The following ATP8B1 variants were observed in gnomAD, a reference collection of about 807,000 sequenced individuals.
ATP8B1 encodes the protein ATPase phospholipid transporting 8B1.
A neutral mutation model predicts 149.9 loss-of-function variants in ATP8B1; 80 were observed. That is an observed-to-expected ratio of 0.53 (90% CI 0.45 to 0.64). The LOEUF (loss-of-function observed/expected upper bound fraction) is 0.64. Among genes scored for constraint, ATP8B1 ranks in the 30% least tolerant of loss-of-function variants. The probability of loss-of-function intolerance (pLI) is 0.00; values close to 1 mark genes in which losing one functional copy is unlikely to be tolerated. For missense variants in ATP8B1, 1,247 were observed against 1,552.6 expected, an observed-to-expected ratio of 0.80 and a Z score of 3.31; for synonymous variants, 536 against 562.8, an observed-to-expected ratio of 0.95 and a Z score of 0.67.
intron 1 of ATP8B1, among the ~76,000 whole-genome samples, chr18:57,750,989 G>A (rs1057017086): frequency 4.6e-5 from 7 of 152,002 alleles, no homozygotes; most frequent in African/African-American, 1.2e-4. Flanking sequence ...GCGTGGTGGC[G>A]CACACCTGCT....
At chr18:57,749,802 C>T (rs1351588278) in intron 1 of ATP8B1, among the ~76,000 whole-genome samples, 1 of 152,180 alleles carries the variant, frequency 6.6e-6, no homozygotes, top group Non-Finnish European at 1.5e-5. Context: ...TAAATCATGC[C>T]AGGGATAAAT....
intron 2 of ATP8B1, among the ~76,000 whole-genome samples, chr18:57,728,639 G>A (rs1341278500): frequency 6.6e-6 from 1 of 151,982 alleles, no homozygotes; most frequent in African/African-American, 2.4e-5. Flanking sequence ...ATTTGATATG[G>A]GTTTTGAGAA....
chr18:57,792,137 A>G (rs2080469496), intron 1 of ATP8B1, among the ~76,000 whole-genome samples: 1 of 152,232 alleles, frequency 6.6e-6, no homozygotes, highest in Non-Finnish European at 1.5e-5. Context: ...CTCTCTGGGC[A>G]CAAAACATTC....
At chr18:57,712,432 T>C (rs1913733157) in intron 2 of ATP8B1, among the ~76,000 whole-genome samples, 1 of 152,184 alleles carries the variant, frequency 6.6e-6, no homozygotes, top group South Asian at 2.1e-4. Flanking sequence ...ACTCAGCTGA[T>C]GCCAGACCAT....
intron 1 of ATP8B1, among the ~76,000 whole-genome samples, chr18:57,795,237 A>AT (rs34409401): frequency 0.23 from 34,573 of 148,382 alleles, 4,320 homozygotes; most frequent in East Asian, 0.44. Flanking sequence ...ACACACACAC[A>AT]TTTTTTTTTT....
Position 57,685,910 on chromosome 18 carries a change from G to A in ATP8B1, c.1430-795C>T, listed in dbSNP as rs566066926. Among the ~76,000 whole-genome samples the A allele has an allele frequency of 6.7e-5, 10 of 149,138 alleles. 1 individual carries two copies. Among genetic ancestry groups the A allele is most frequent in the South Asian group, 6.4e-4 (3 of 4,706 alleles). On this transcript the variant is annotated intron_variant, in intron 13 of 27. Coordinates refer to ENST00000648908, the MANE Select transcript of ATP8B1 (RefSeq NM_001374385.1). Reference sequence around the variant, plus strand: ...CGTGCCACTGCACTCCAGCCTGGGCGACAGAGTGAGACTCTGTCTCAAAAA... The same window carrying A: ...CGTGCCACTGCACTCCAGCCTGGGCAACAGAGTGAGACTCTGTCTCAAAAA...
chr18:57,797,703 C>CTTTTTTTT (rs59261353), intron 1 of ATP8B1, among the ~76,000 whole-genome samples: 81 of 96,262 alleles, frequency 8.4e-4, no homozygotes, highest in Non-Finnish European at 1.2e-3. Flanking sequence ...TTCTTTCTTT[C>CTTTTTTTT]TTTTTTTTTT....
intron 14 of ATP8B1, 44 bp from the exon 15 acceptor site, chr18:57,684,236 T>C: frequency 6.4e-7 from 1 of 1,573,796 alleles, no homozygotes; most frequent in Middle Eastern, 1.7e-4. Flanking sequence ...TATAAAATAT[T>C]TTTGACTTAA....
intron 19 of ATP8B1, chr18:57,667,589 A>G (rs1359215258): frequency 9.8e-6 from 2 of 203,514 alleles, no homozygotes; most frequent in African/African-American, 2.3e-5. Flanking sequence ...TCTCCATAAT[A>G]AAACAAGTGA....
chr18:57,661,581 CA>C, intron 21 of ATP8B1, 119 bp from the exon 22 acceptor site: 1 of 1,092,026 alleles, frequency 9.2e-7, no homozygotes, highest in African/African-American at 1.6e-5. Context: ...TTATATTTGA[CA>C]AATAAATTTG....
chr18:57,675,601 G>A (rs766509493), intron 15 of ATP8B1, among the ~76,000 whole-genome samples: 10 of 152,092 alleles, frequency 6.6e-5, no homozygotes, highest in Non-Finnish European at 1.5e-4. Context: ...GTCTCCCTAT[G>A]TTGTCCAGGC....
At chr18:57,751,035 A>AT (rs1382253868) in intron 1 of ATP8B1, among the ~76,000 whole-genome samples, 1 of 152,150 alleles carries the variant, frequency 6.6e-6, no homozygotes, top group Non-Finnish European at 1.5e-5. Context: ...AGGCACAAGA[A>AT]TTGCTTGAGC....
chr18:57,661,524 C>T (rs1458464196), intron 21 of ATP8B1, 62 bp from the exon 22 acceptor site: 3 of 1,535,338 alleles, frequency 2.0e-6, no homozygotes, highest in East Asian at 2.3e-5. Flanking sequence ...AGTACCATTC[C>T]CAAGATTTAA....
At chr18:57,731,506 AGAGAT>A (rs2079765054) in intron 2 of ATP8B1, 116 bp downstream of exon 2, 15 of 1,134,864 alleles carry the variant, frequency 1.3e-5, no homozygotes, top group Non-Finnish European at 1.7e-5. Context: ...CATCCTAAGA[AGAGAT>A]CAGAGAAGAT....
In ATP8B1 at chr18:57,706,562, G is replaced by A. The variant is rs201150730; in HGVS notation, c.207C>T (p.Asn69=). Residue 69 remains asparagine (N), a synonymous_variant, in exon 3 of 28, where the codon AAC becomes AAT. Coordinates refer to ENST00000648908, the MANE Select transcript of ATP8B1 (RefSeq NM_001374385.1). The part of the protein sequence containing the change: ...RKECTWQVKA[N]DRKYHEQPHF... ...GAGGTTGTTCGTGGTACTTGCGATC[G>A]TTTGCTTTGACTTGCCATGTACATT... The A allele has an allele frequency of 5.5e-5, 88 of 1,613,886 alleles. No individual in the cohort carries two copies. Among genetic ancestry groups the A allele is most frequent in the East Asian group, 4.7e-4 (21 of 44,878 alleles).
rs144204624 is a variant in ATP8B1, at chr18:57,749,596, C to A, written c.-25-17764G>T. 2.6e-5 allele frequency among the ~76,000 whole-genome samples: 4 copies of A among 152,268 alleles called. No homozygotes were observed. The East Asian group carries it at 7.7e-4, about 29-fold the overall frequency. On this transcript the variant is annotated intron_variant, in intron 1 of 27. Transcript: ENST00000648908. ...AATTAACCTGATTTAGGTGAAGACA[C>A]CCTATAGAACTCTGAGTTGAGTCAG... is the stretch of plus-strand genomic sequence containing the variant.
chr18:57,785,079 A>C (rs1226559589), intron 1 of ATP8B1, among the ~76,000 whole-genome samples: 3 of 152,218 alleles, frequency 2.0e-5, no homozygotes, highest in Non-Finnish European at 4.4e-5. Flanking sequence ...GTTGACAAGC[A>C]CCTAAAATTG....
intron 1 of ATP8B1, among the ~76,000 whole-genome samples, chr18:57,794,883 GC>G (rs564741149): frequency 9.4e-4 from 143 of 152,158 alleles, no homozygotes; most frequent in Non-Finnish European, 1.8e-3. Flanking sequence ...AGAGGCACGT[GC>G]TGCCTTCAGG....
chr18:57,790,422 A>G (rs557741478), intron 1 of ATP8B1, among the ~76,000 whole-genome samples: 12 of 151,968 alleles, frequency 7.9e-5, no homozygotes, highest in African/African-American at 2.4e-4. Context: ...GTGACTTCCT[A>G]TCAGGTTCTC....
Sources: gnomAD v4.1 joint callset for allele counts (sites outside exome capture counted in the v4.1 genomes callset) on GRCh38, gnomAD v4.1.1 for gene constraint, MANE v1.5 for transcripts, NCBI Gene and HGNC (gene_info 2026-07-23, HGNC 2026-07-21) for gene names.